The following PPP2R5A variants were observed in gnomAD, a reference collection of about 807,000 sequenced individuals.
PPP2R5A encodes the protein serine/threonine-protein phosphatase 2A 56 kDa regulatory subunit alpha isoform.
A neutral mutation model predicts 64.2 loss-of-function variants in PPP2R5A; 25 were observed. The observed-to-expected ratio is 0.39, with a 90% CI of 0.28 to 0.54. PPP2R5A has a LOEUF of 0.54. Ranked by LOEUF, PPP2R5A falls within the 20% of genes least tolerant of loss-of-function variation. PPP2R5A has a pLI of 0.67. For synonymous variants in PPP2R5A, 198 were observed against 201.2 expected (o/e 0.98, Z 0.13); for missense variants, 425 against 576.3 (o/e 0.74, Z 2.69).
At chr1:212,290,690 T>G (rs1431839030) in intron 1 of PPP2R5A, among the ~76,000 whole-genome samples, 1 of 152,192 alleles carries the variant, frequency 6.6e-6, no homozygotes, top group Non-Finnish European at 1.5e-5. Context: ...CTTATCTGAT[T>G]GTTAATTGTG....
intron 1 of PPP2R5A, chr1:212,302,017 G>A: frequency 2.7e-6 from 4 of 1,503,550 alleles, no homozygotes; most frequent in Non-Finnish European, 3.6e-6. Context: ...GAAATAACTT[G>A]GTTATCACCT....
chr1:212,317,762 C>T lies in PPP2R5A; in HGVS notation c.182-11373C>T, dbSNP rs555208603. Among the ~76,000 whole-genome samples, 209 of 152,058 alleles carry T rather than the reference C, an allele frequency of 1.4e-3. 1 individual carries two copies. Among genetic ancestry groups the T allele is most frequent in the Admixed American group, 0.011 (173 of 15,254 alleles). ...CAGCATTTTAGGAGGCCGAGGCAGG[C>T]GGATCACAAAGTCAGGAGTTCGAGA... On this transcript the variant is annotated intron_variant, in intron 1 of 12. Transcript: ENST00000261461.
At chr1:212,350,386 G>C (rs1347707056) in intron 8 of PPP2R5A, among the ~76,000 whole-genome samples, 1 of 152,156 alleles carries the variant, frequency 6.6e-6, no homozygotes, top group African/African-American at 2.4e-5. Flanking sequence ...GTGTGCAGTG[G>C]CTCACAACTG....
chr1:212,316,040 C>CT (rs1388643634), intron 1 of PPP2R5A, among the ~76,000 whole-genome samples: 1 of 152,144 alleles, frequency 6.6e-6, no homozygotes, highest in Non-Finnish European at 1.5e-5. Flanking sequence ...CCTGGTCTTT[C>CT]TTCCTCTCCT....
At chr1:212,320,759 C>G (rs1229358248) in intron 1 of PPP2R5A, among the ~76,000 whole-genome samples, 3 of 140,876 alleles carry the variant, frequency 2.1e-5, no homozygotes, top group African/African-American at 7.8e-5. Context: ...GTAGGGGCGG[C>G]CGGGCAGAGG....
chr1:212,311,264 C>T (rs551154096), intron 1 of PPP2R5A, among the ~76,000 whole-genome samples: 3 of 152,118 alleles, frequency 2.0e-5, no homozygotes, highest in South Asian at 4.1e-4. Context: ...GTCGGGAGAT[C>T]GAGACCATCC....
chr1:212,295,590 A>G (rs544335987), intron 1 of PPP2R5A, among the ~76,000 whole-genome samples: 2 of 152,216 alleles, frequency 1.3e-5, no homozygotes, highest in Non-Finnish European at 2.9e-5. Flanking sequence ...CAACATTGAG[A>G]TAATGGGTAA....
Position 212,309,319 on chromosome 1 carries a change from C to T in PPP2R5A, c.182-19816C>T, listed in dbSNP as rs1365567409. 5 of 1,524,266 alleles carry T rather than the reference C, an allele frequency of 3.3e-6. No homozygotes were observed. In the East Asian group the frequency reaches 9.0e-5, roughly 27 times the overall value. The allele number at this position is 1,524,266 out of a possible 1,614,324, so 94.4% of individuals were successfully genotyped here. A position where few individuals can be genotyped will look rare whatever the true frequency, so the allele number is the denominator to read the frequency against. ...AGCATAGTGGTCAAGTTTGTTTCTC[C>T]TGGGGGCGCTCTTCCGAGGATATTT... On this transcript the variant is annotated intron_variant, in intron 1 of 12. Coordinates refer to ENST00000261461, the MANE Select transcript of PPP2R5A (RefSeq NM_006243.4).
chr1:212,309,229 A>T, intron 1 of PPP2R5A: 1 of 1,422,094 alleles, frequency 7.0e-7, no homozygotes. Context: ...CACAATGAAC[A>T]CAAGTGTATT....
intron 1 of PPP2R5A, among the ~76,000 whole-genome samples, chr1:212,289,029 C>A (rs1250417247): frequency 6.6e-6 from 1 of 152,136 alleles, no homozygotes; most frequent in Non-Finnish European, 1.5e-5. Context: ...CAAAAATGTT[C>A]AGAATAAATT....
chr1:212,356,571 C>G (rs1405202349), intron 8 of PPP2R5A, 55 bp from the exon 9 acceptor site: 1 of 1,520,324 alleles, frequency 6.6e-7, no homozygotes, highest in African/African-American at 1.4e-5. Context: ...GGAAAATACG[C>G]TGGGATTAAC....
chr1:212,331,732 T>C lies in PPP2R5A; in HGVS notation c.379-1765T>C, dbSNP rs563879750. The C allele has an allele frequency of 1.7e-4, 26 of 152,314 alleles. 2 individuals are homozygous for C. The South Asian group carries it at 5.2e-3, about 30-fold the overall frequency. The allele number at this position is 152,314 out of a possible 1,614,324, so 9.4% of individuals were successfully genotyped here. ...TAAAATTGTTGACAGATACTGAAAG[T>C]CTCAAATATTTGAGTCAAATTTGCT... On this transcript the variant is annotated intron_variant, in intron 2 of 12. Transcript: ENST00000261461.
At chr1:212,333,467 A>C (rs563956368) in intron 2 of PPP2R5A, 30 bp from the exon 3 acceptor site, 1 of 1,384,356 alleles carries the variant, frequency 7.2e-7, no homozygotes, top group Non-Finnish European at 9.8e-7. Flanking sequence ...CACATACAAC[A>C]ACGAACGTAA....
intron 11 of PPP2R5A, among the ~76,000 whole-genome samples, chr1:212,357,653 A>G (rs1193250144): frequency 6.6e-6 from 1 of 151,796 alleles, no homozygotes; most frequent in East Asian, 1.9e-4. Context: ...ACTACAAAAA[A>G]TTAGCCGGGC....
chr1:212,304,589 C>T (rs1658861669), intron 1 of PPP2R5A, among the ~76,000 whole-genome samples: 1 of 152,164 alleles, frequency 6.6e-6, no homozygotes, highest in Non-Finnish European at 1.5e-5. Flanking sequence ...CGCTATGTTG[C>T]CCAGGCTTGA....
chr1:212,358,826 T>TAACATAAAATG, intron 12 of PPP2R5A, 39 bp downstream of exon 12: 1 of 1,507,998 alleles, frequency 6.6e-7, no homozygotes, highest in Non-Finnish European at 9.2e-7. Context: ...TCTATACATT[T>TAACATAAAATG]TATGTTAGTT....
intron 1 of PPP2R5A, among the ~76,000 whole-genome samples, chr1:212,290,937 G>A (rs1156972065): frequency 1.3e-5 from 2 of 152,138 alleles, no homozygotes; most frequent in Non-Finnish European, 2.9e-5. Context: ...AGTTATTGCT[G>A]CCTTGGATTT....
chr1:212,355,228 A>T (rs920585718), intron 8 of PPP2R5A, among the ~76,000 whole-genome samples: 6 of 151,798 alleles, frequency 4.0e-5, no homozygotes, highest in South Asian at 2.1e-4. Context: ...TTATATATGT[A>T]TTTTTTAATG....
At chr1:212,286,652 C>T (rs904204793) in intron 1 of PPP2R5A, among the ~76,000 whole-genome samples, 1 of 152,180 alleles carries the variant, frequency 6.6e-6, no homozygotes, top group Non-Finnish European at 1.5e-5. Context: ...CTTTAACAAC[C>T]GCACGAACCT....
Sources: gnomAD v4.1 joint callset for allele counts (sites outside exome capture counted in the v4.1 genomes callset) on GRCh38, gnomAD v4.1.1 for gene constraint, MANE v1.5 for transcripts, NCBI Gene and HGNC (gene_info 2026-07-23, HGNC 2026-07-21) for gene names.